The following SESTD1 variants were observed in gnomAD, a reference collection of about 807,000 sequenced individuals.
SESTD1 encodes the protein SEC14 and spectrin domain containing 1.
A neutral mutation model predicts 101.7 loss-of-function variants in SESTD1; 43 were observed. The ratio of observed to expected loss-of-function variants is 0.42; its 90% CI spans 0.33 to 0.55. SESTD1 has a LOEUF of 0.55. Ranked by LOEUF, SESTD1 falls within the 20% of genes least tolerant of loss-of-function variation. The probability of loss-of-function intolerance (pLI) is 0.07; values close to 1 mark genes in which losing one functional copy is unlikely to be tolerated. For synonymous variants in SESTD1, 283 were observed against 286.8 expected, an observed-to-expected ratio of 0.99 and a Z score of 0.13; for missense variants, 647 against 815.1, an observed-to-expected ratio of 0.79 and a Z score of 2.51.
intron 8 of SESTD1, 123 bp from the exon 9 acceptor site, chr2:179,143,926 A>G (rs1345288364): frequency 1.0e-6 from 1 of 966,434 alleles, no homozygotes; most frequent in East Asian, 2.6e-5. Flanking sequence ...ACCAGGTTAT[A>G]AATGGAATTT....
Position 179,214,969 on chromosome 2 carries a change from T to TCCGAC in SESTD1, c.-25-23104_-25-23103insGTCGG, listed in dbSNP as rs1388410224. 4.5e-5 allele frequency among the ~76,000 whole-genome samples: 6 copies of TCCGAC among 134,420 alleles called. No homozygotes were observed. In the East Asian group the frequency reaches 1.2e-3, roughly 27 times the overall value. The allele number at this position is 134,420 out of a possible 152,430, so 88.2% of individuals were successfully genotyped here. On this transcript the variant is annotated intron_variant, in intron 1 of 17. Coordinates refer to ENST00000428443, the MANE Select transcript of SESTD1 (RefSeq NM_178123.5). ...AACAAAGACACAATGTACCAGAATC[T>TCCGAC]CCGAGACACATTTAAAGCAGCATGT...
chr2:179,179,953 G>T (rs2046078316), intron 3 of SESTD1, among the ~76,000 whole-genome samples: 1 of 152,172 alleles, frequency 6.6e-6, no homozygotes, highest in African/African-American at 2.4e-5. Flanking sequence ...AATGCTCGTT[G>T]ATCAGATTCT....
intron 11 of SESTD1, 31 bp downstream of exon 11, chr2:179,124,330 TGAA>T (rs1333670464): frequency 6.3e-7 from 1 of 1,578,918 alleles, no homozygotes. Flanking sequence ...TCAGATAATT[TGAA>T]GAAAAGAAAA....
intron 16 of SESTD1, among the ~76,000 whole-genome samples, chr2:179,114,638 T>A (rs969879158): frequency 1.3e-5 from 2 of 152,162 alleles, no homozygotes; most frequent in African/African-American, 2.4e-5. Context: ...TTATTCTTAT[T>A]TTTTTAATGT....
chr2:179,174,233 C>A (rs1193295681), intron 4 of SESTD1, among the ~76,000 whole-genome samples: 1 of 152,164 alleles, frequency 6.6e-6, no homozygotes, highest in African/African-American at 2.4e-5. Flanking sequence ...GGTCCCAGTA[C>A]CTTCGGAGAT....
intron 5 of SESTD1, among the ~76,000 whole-genome samples, chr2:179,167,047 C>T (rs1213433280): frequency 2.0e-5 from 3 of 152,194 alleles, no homozygotes; most frequent in Non-Finnish European, 4.4e-5. Flanking sequence ...AAATGACCCA[C>T]TGTCAAGAAA....
At chr2:179,211,594 G>A (rs1401562362) in intron 1 of SESTD1, among the ~76,000 whole-genome samples, 1 of 133,128 alleles carries the variant, frequency 7.5e-6, no homozygotes, top group Non-Finnish European at 1.6e-5. Flanking sequence ...TAAACAAATG[G>A]TGCTGGGATA....
intron 4 of SESTD1, among the ~76,000 whole-genome samples, chr2:179,176,059 C>T (rs1247435618): frequency 1.3e-5 from 2 of 152,108 alleles, no homozygotes; most frequent in Admixed American, 1.3e-4. Context: ...CTACACTTAA[C>T]CAATCCTACC....
At chr2:179,226,503 T>G (rs559245024) in intron 1 of SESTD1, among the ~76,000 whole-genome samples, 2 of 152,348 alleles carry the variant, frequency 1.3e-5, no homozygotes, top group East Asian at 3.9e-4. Context: ...TACTTTTTGT[T>G]AAGTGATTAA....
rs944899681 is a variant in SESTD1, at chr2:179,103,057, T to C, written c.*6842A>G. 3.9e-5 allele frequency: 6 copies of C among 152,128 alleles called. No individual in the cohort carries two copies. The highest frequency in any genetic ancestry group is 1.2e-4 in the African/African-American group (5 of 41,426). 9.4% of individuals were successfully genotyped at this position (152,128 alleles called of 1,614,324 possible). A position where few individuals can be genotyped will look rare whatever the true frequency, so the allele number is the denominator to read the frequency against. ...CAATGATCAGTCTTACTTTACCTAC[T>C]GAAAACGGGTGGTGAAAGTTAGTAA... On this transcript the variant is annotated 3_prime_UTR_variant, in exon 18 of 18. Coordinates refer to ENST00000428443, the MANE Select transcript of SESTD1 (RefSeq NM_178123.5).
rs115824907 is a variant in SESTD1, at chr2:179,193,221, T to C, written c.-25-1355A>G. 9.7e-3 allele frequency among the ~76,000 whole-genome samples: 1,485 copies of C among 152,330 alleles called. 12 individuals carry two copies. Among genetic ancestry groups the C allele is most frequent in the Middle Eastern group, 0.027 (8 of 294 alleles). On this transcript the variant is annotated intron_variant, in intron 1 of 17. Transcript: ENST00000428443. Reference sequence around the variant, plus strand: ...AATTAAACAAGACTAATTAAACCAGTATATAATTTTATAGCTTTTGAGTTT... The same window carrying C: ...AATTAAACAAGACTAATTAAACCAGCATATAATTTTATAGCTTTTGAGTTT...
At chr2:179,181,947 A>C (rs1390067464) in intron 3 of SESTD1, among the ~76,000 whole-genome samples, 1 of 151,522 alleles carries the variant, frequency 6.6e-6, no homozygotes, top group Non-Finnish European at 1.5e-5. Context: ...CAGAAACTGA[A>C]AAAATTGAAA....
At chr2:179,260,388 TG>T (rs1282472795) in intron 1 of SESTD1, among the ~76,000 whole-genome samples, 1 of 152,128 alleles carries the variant, frequency 6.6e-6, no homozygotes, top group African/African-American at 2.4e-5. Context: ...TGGTGGCACA[TG>T]CCTGTACTCT....
Position 179,202,532 on chromosome 2 carries a change from T to TTAGG in SESTD1, c.-25-10667_-25-10666insCCTA, listed in dbSNP as rs2046533933. Among the ~76,000 whole-genome samples the TTAGG allele has an allele frequency of 1.5e-5, 2 of 135,028 alleles. 1 individual carries two copies. Among genetic ancestry groups the TTAGG allele is most frequent in the Non-Finnish European group, 3.2e-5 (2 of 62,894 alleles). 88.6% of individuals were successfully genotyped at this position (135,028 alleles called of 152,430 possible). On this transcript the variant is annotated intron_variant, in intron 1 of 17. Coordinates refer to ENST00000428443, the MANE Select transcript of SESTD1 (RefSeq NM_178123.5). ...ACTTATGCTGTTCCTAAGAGTCATG[T>TTAGG]ACTCCCCTGCTGAACACATACTTTC...
At chr2:179,160,075 T>C (rs1466503616) in intron 5 of SESTD1, among the ~76,000 whole-genome samples, 1 of 152,192 alleles carries the variant, frequency 6.6e-6, no homozygotes, top group Non-Finnish European at 1.5e-5. Flanking sequence ...CAGGCTGGTC[T>C]TGAACTCCTG....
At chr2:179,119,993 A>G (rs989997054) in intron 13 of SESTD1, among the ~76,000 whole-genome samples, 2 of 151,966 alleles carry the variant, frequency 1.3e-5, no homozygotes, top group African/African-American at 4.8e-5. Flanking sequence ...CACCTTGGGA[A>G]GCCAAAGTGG....
At chr2:179,166,512 C>G (rs550898730) in intron 5 of SESTD1, among the ~76,000 whole-genome samples, 1 of 152,106 alleles carries the variant, frequency 6.6e-6, no homozygotes, top group East Asian at 1.9e-4. Context: ...ATTATAAACC[C>G]GAACTATCAT....
At chr2:179,147,126 A>G (rs1575442262) in intron 7 of SESTD1, among the ~76,000 whole-genome samples, 1 of 150,892 alleles carries the variant, frequency 6.6e-6, no homozygotes, top group East Asian at 1.9e-4. Flanking sequence ...AGGCCCTCAG[A>G]TGCTTCCTGA....
At chr2:179,196,832 A>G (rs1200667505) in intron 1 of SESTD1, among the ~76,000 whole-genome samples, 1 of 152,224 alleles carries the variant, frequency 6.6e-6, no homozygotes, top group Non-Finnish European at 1.5e-5. Flanking sequence ...AAAGACCAAA[A>G]GTAGATAAAA....
Sources: allele counts gnomAD v4.1 joint callset (sites outside exome capture counted in the v4.1 genomes callset), GRCh38; gene constraint gnomAD v4.1.1; transcripts MANE v1.5; gene names NCBI Gene and HGNC (gene_info 2026-07-23, HGNC 2026-07-21).